The following HECTD4 variants were observed in gnomAD, a reference collection of about 807,000 sequenced individuals.
HECTD4 encodes the protein probable E3 ubiquitin-protein ligase HECTD4.
In HECTD4, 114 loss-of-function variants were observed where a neutral mutation model predicts 471.5. The observed-to-expected ratio is 0.24, with a 90% CI of 0.21 to 0.28. The LOEUF (loss-of-function observed/expected upper bound fraction) is 0.28, where lower values mean the gene tolerates loss of function less well. Ranked by LOEUF, HECTD4 falls within the 10% of genes least tolerant of loss-of-function variation. The pLI, the probability that HECTD4 is intolerant of heterozygous loss-of-function variation, is 1.00. For synonymous variants in HECTD4, 2,012 were observed against 2,256.0 expected (o/e 0.89, Z 3.07); for missense variants, 3,866 against 5,651.5 (o/e 0.68, Z 10.13).
In HECTD4 at chr12:112,193,598, G is replaced by T. The variant is rs555740067; in HGVS notation, c.8826C>A (p.Ala2942=). The T allele has an allele frequency of 1.9e-6, 3 of 1,613,194 alleles. No homozygotes were observed. The highest frequency in any genetic ancestry group is 3.3e-5 in the Admixed American group (2 of 59,908). The change falls in exon 57 of 76, where the codon GCC becomes GCA. Residue 2942 remains alanine (A), a synonymous_variant. Transcript: ENST00000682272. The surrounding 1 kb of genome is among the most constrained non-coding windows in gnomAD (Gnocchi z 5.2). The part of the protein sequence containing the change: ...QHCIHSQNCS[A]TDLFYQGNSQ... ...AGTTGCCCTGGTAAAAGAGGTCCGT[G>T]GCGGAGCAGTTCTGGGAATGGATGC...
At chr12:112,240,787 T>C (rs943670092) in intron 32 of HECTD4, among the ~76,000 whole-genome samples, 6 of 152,182 alleles carry the variant, frequency 3.9e-5, no homozygotes, top group African/African-American at 1.4e-4. Flanking sequence ...AAGGCTCAAA[T>C]GGATTAGCTA....
In HECTD4 at chr12:112,230,833, C is replaced by T. The variant is rs749027561; in HGVS notation, c.6201-11G>A. 4 of 1,604,634 alleles carry T rather than the reference C, an allele frequency of 2.5e-6. No homozygotes were observed. In the East Asian group the frequency reaches 9.0e-5, roughly 36 times the overall value. On this transcript the variant is annotated splice_polypyrimidine_tract_variant and intron_variant, in intron 39 of 75. Coordinates refer to ENST00000682272, the MANE Select transcript of HECTD4 (RefSeq NM_001388303.1). Reference sequence around the variant, plus strand: ...CGCACAGGATCAGTCCTGCAAGTGTCAACAGGAAAAAGTGTCAGTGCCCAG... The same window carrying T: ...CGCACAGGATCAGTCCTGCAAGTGTTAACAGGAAAAAGTGTCAGTGCCCAG...
chr12:112,178,537 G>A (rs1417387801), intron 64 of HECTD4, among the ~76,000 whole-genome samples: 1 of 152,174 alleles, frequency 6.6e-6, no homozygotes, highest in Non-Finnish European at 1.5e-5. Flanking sequence ...AGCAGAAAGG[G>A]CCCAGACACC....
chr12:112,208,755 G>T, intron 50 of HECTD4, 125 bp from the exon 51 acceptor site: 1 of 706,188 alleles, frequency 1.4e-6, no homozygotes. Context: ...AGTACACTGA[G>T]GAATGTTAAA....
Position 112,283,296 on chromosome 12 carries a change from T to G in HECTD4, c.1342A>C (p.Asn448His), listed in dbSNP as rs562443413. Residue 448 changes from asparagine (N) to histidine (H), a missense_variant, in exon 8 of 76, where the codon AAT (asparagine) becomes CAT (histidine). Physicochemically the swap from Asn to His is moderately conservative, Grantham distance 68. Transcript: ENST00000682272. ...FMDIFELVVE[N>H]GVFVANPLQE... ...AGTGGGTTGGCTACAAATACACCATTTTCAACCTAACATAGAAAAAAAGGA... is the reference window on the plus strand; with the variant it reads ...AGTGGGTTGGCTACAAATACACCATGTTCAACCTAACATAGAAAAAAAGGA... The G allele has an allele frequency of 4.6e-5, 74 of 1,609,276 alleles. 1 individual carries two copies. The South Asian group carries it at 7.7e-4, about 17-fold the overall frequency.
intron 9 of HECTD4, among the ~76,000 whole-genome samples, chr12:112,276,415 T>C (rs2034527825): frequency 1.3e-5 from 2 of 152,130 alleles, no homozygotes; most frequent in Admixed American, 6.6e-5. Context: ...AAAAGACTGA[T>C]GGTCAATAAC....
In HECTD4 at chr12:112,319,489, C is replaced by T; in HGVS notation, c.431G>A (p.Arg144Lys). The T allele has an allele frequency of 6.6e-7, 1 of 1,507,174 alleles. No individual in the cohort carries two copies. The highest frequency in any genetic ancestry group is 8.8e-7 in the Non-Finnish European group (1 of 1,131,228). The allele number at this position is 1,507,174 out of a possible 1,614,324, so 93.4% of individuals were successfully genotyped here. ...QQPEQAPFTS[R>K]MGLLLVFPLI... Reference sequence around the variant, plus strand: ...GGGGAAGACCAGCAGGAGCCCCATCCTCGATGTGAAGGGCGCTTGCTCAGG... The same window carrying T: ...GGGGAAGACCAGCAGGAGCCCCATCTTCGATGTGAAGGGCGCTTGCTCAGG... The change falls in exon 2 of 76, where the codon AGG becomes AAG. Residue 144 changes from arginine to lysine, a missense_variant. Around this residue, in one of 16 missense-constraint regions of HECTD4, gnomAD observed 440 missense variants for 636.0 expected, o/e 0.69. Coordinates refer to ENST00000682272, the MANE Select transcript of HECTD4 (RefSeq NM_001388303.1). This position sits in a 1 kb window ranked among gnomAD's most constrained non-coding sequence, Gnocchi z 5.3.
At chr12:112,230,039 G>T (rs569324749) in intron 40 of HECTD4, among the ~76,000 whole-genome samples, 159 bp from the exon 41 acceptor site, 169 of 152,294 alleles carry the variant, frequency 1.1e-3, no homozygotes, top group South Asian at 3.7e-3. Context: ...AATGACATCT[G>T]CCCATATTTG....
chr12:112,169,346 G>A (rs1000882160), intron 70 of HECTD4, among the ~76,000 whole-genome samples, 157 bp downstream of exon 70: 7 of 152,148 alleles, frequency 4.6e-5, no homozygotes, highest in African/African-American at 1.2e-4. Context: ...TGGAGGACAC[G>A]GGCGTGAGGC....
At position 112,185,287 on chromosome 12, in the gene HECTD4, TCTC is replaced by T. The variant is rs1387727890; in HGVS notation, c.9676_9678del (p.Glu3226del). Reference sequence around the variant, plus strand: ...GCGCCGCCTGAGACCCAGTTCTGCGTCTCCTCGTCGTACAGCTTGTGGAGCTCC... The same window carrying T: ...GCGCCGCCTGAGACCCAGTTCTGCGTCTCGTCGTACAGCTTGTGGAGCTCC... On this transcript the variant is annotated inframe_deletion, in exon 61 of 76. Transcript: ENST00000682272. The T allele has an allele frequency of 4.5e-6, 7 of 1,554,394 alleles. No homozygotes were observed. The highest frequency in any genetic ancestry group is 6.1e-6 in the Non-Finnish European group (7 of 1,148,882).
intron 8 of HECTD4, 33 bp from the exon 9 acceptor site, chr12:112,279,419 T>C: frequency 6.4e-7 from 1 of 1,555,630 alleles, no homozygotes; most frequent in Non-Finnish European, 8.7e-7. Context: ...TAAATCAAAA[T>C]ATTTGACACA....
chr12:112,380,167 C>A (rs574552038), intron 1 of HECTD4, among the ~76,000 whole-genome samples: 36 of 152,244 alleles, frequency 2.4e-4, no homozygotes, highest in Non-Finnish European at 4.7e-4. Flanking sequence ...AGCATAGGCA[C>A]GGCATAGTGG....
intron 64 of HECTD4, among the ~76,000 whole-genome samples, chr12:112,177,529 G>A (rs1309572115): frequency 6.6e-6 from 1 of 152,024 alleles, no homozygotes; most frequent in Non-Finnish European, 1.5e-5. Context: ...ACAGGCACTC[G>A]CCACCACGCC....
intron 66 of HECTD4, among the ~76,000 whole-genome samples, chr12:112,175,375 G>C (rs1317053722): frequency 6.6e-6 from 1 of 152,194 alleles, no homozygotes. Flanking sequence ...GGCAGTCTGG[G>C]AGCCAAGGAG....
chr12:112,306,267 G>A (rs774386249), intron 6 of HECTD4, 33 bp from the exon 7 acceptor site: 11 of 1,436,170 alleles, frequency 7.7e-6, no homozygotes, highest in Non-Finnish European at 1.0e-5. Context: ...CTCCATTAGA[G>A]CCACATATAA....
chr12:112,283,780 G>A (rs2034692334), intron 7 of HECTD4, among the ~76,000 whole-genome samples: 1 of 152,166 alleles, frequency 6.6e-6, no homozygotes. Flanking sequence ...CCTGGACAAA[G>A]CCAGACTTTG....
rs1201860652 is a variant in HECTD4 at position 112,207,916 on chromosome 12, G to T, written c.8089C>A (p.Arg2697=). 1 of 1,613,894 alleles carries T rather than the reference G, an allele frequency of 6.2e-7. No individual in the cohort carries two copies. Among genetic ancestry groups the T allele is most frequent in the Admixed American group, 1.7e-5 (1 of 59,996 alleles). Residue 2697 remains arginine (R), a synonymous_variant, in exon 52 of 76, where the codon CGG becomes AGG. Coordinates refer to ENST00000682272, the MANE Select transcript of HECTD4 (RefSeq NM_001388303.1). ...TTTATCTGGTCCAGGCCCGATTTCC[G>T]CTCTGCTTCATTGCGGAAGCGTCTT... ...IRRRFRNEAE[R]KSGLDQIKGA...
At chr12:112,301,511 A>G (rs1396315406) in intron 7 of HECTD4, among the ~76,000 whole-genome samples, 2 of 152,130 alleles carry the variant, frequency 1.3e-5, no homozygotes, top group Non-Finnish European at 2.9e-5. Flanking sequence ...TGATCATGTC[A>G]TCCTCTTTAT....
intron 7 of HECTD4, among the ~76,000 whole-genome samples, chr12:112,301,576 C>G (rs2035165031): frequency 6.6e-6 from 1 of 152,184 alleles, no homozygotes; most frequent in African/African-American, 2.4e-5. Flanking sequence ...GATGGCTCCA[C>G]CACATCTTTT....
Sources: gnomAD v4.1 joint callset for allele counts (sites outside exome capture counted in the v4.1 genomes callset) on GRCh38, gnomAD v4.1.1 for gene constraint, gnomAD v4.1.1 regional missense constraint, Gnocchi (gnomAD v3.1) non-coding constraint, MANE v1.5 for transcripts, NCBI Gene and HGNC (gene_info 2026-07-23, HGNC 2026-07-21) for gene names.